Variants in SNTG1 observed in about 807,000 individuals in gnomAD.
SNTG1 encodes syntrophin gamma 1.
A neutral mutation model predicts 74.7 loss-of-function variants in SNTG1; 39 were observed. That is an observed-to-expected ratio of 0.52 (90% CI 0.40 to 0.68). The LOEUF is 0.68. SNTG1 is among the 30% of genes least tolerant of loss of function. The pLI is 0.00. For synonymous variants in SNTG1, 254 were observed against 217.1 expected (o/e 1.17, Z -1.49); for missense variants, 685 against 609.5 (o/e 1.12, Z -1.30).
chr8:49,977,873 A>T (rs1563422461), intron 1 of SNTG1, among the ~76,000 whole-genome samples: 1 of 152,178 alleles, frequency 6.6e-6, no homozygotes, highest in African/African-American at 2.4e-5. Context: ...GGCACCACAA[A>T]CACTGCTTGG....
At chr8:50,352,538 G>A (rs2131012046) in intron 2 of SNTG1, among the ~76,000 whole-genome samples, 1 of 152,078 alleles carries the variant, frequency 6.6e-6, no homozygotes, top group African/African-American at 2.4e-5. Flanking sequence ...TTACAGGCAT[G>A]CGCCACCACA....
At chr8:49,966,356 A>T (rs388045) in intron 1 of SNTG1, among the ~76,000 whole-genome samples, 5,745 of 152,176 alleles carry the variant, frequency 0.038, 366 homozygotes, top group African/African-American at 0.13. Context: ...CCTGTTTAAA[A>T]AAAGTCTATA....
intron 13 of SNTG1, among the ~76,000 whole-genome samples, chr8:50,622,107 G>T (rs1486160460): frequency 6.6e-6 from 1 of 152,238 alleles, no homozygotes; most frequent in African/African-American, 2.4e-5. Flanking sequence ...TATTGCATCT[G>T]CCCCAATCTC....
chr8:50,548,954 G>A (rs148437563), intron 11 of SNTG1, among the ~76,000 whole-genome samples: 2 of 152,190 alleles, frequency 1.3e-5, no homozygotes, highest in African/African-American at 4.8e-5. Context: ...GAGGAACTGC[G>A]GGTCAGAGAG....
At chr8:50,748,797 A>G (rs1418965384) in intron 17 of SNTG1, among the ~76,000 whole-genome samples, 1 of 152,040 alleles carries the variant, frequency 6.6e-6, no homozygotes, top group East Asian at 1.9e-4. Context: ...CTGTGCCCAT[A>G]TAAGATGGTG....
At chr8:50,031,835 A>T (rs567899731) in intron 1 of SNTG1, among the ~76,000 whole-genome samples, 57 of 152,116 alleles carry the variant, frequency 3.7e-4, no homozygotes, top group Non-Finnish European at 7.7e-4. Context: ...GCTGTATACA[A>T]TGAATAGGGA....
At chr8:50,461,685 A>G (rs1229030492) in intron 8 of SNTG1, among the ~76,000 whole-genome samples, 1 of 151,576 alleles carries the variant, frequency 6.6e-6, no homozygotes, top group Non-Finnish European at 1.5e-5. Context: ...ACTTTTAAAT[A>G]CTCTAATATA....
At chr8:50,272,835 T>A (rs2087856731) in intron 2 of SNTG1, among the ~76,000 whole-genome samples, 1 of 151,536 alleles carries the variant, frequency 6.6e-6, no homozygotes, top group Admixed American at 6.6e-5. Flanking sequence ...CTCCTGGGAT[T>A]AAGCAATCCT....
At chr8:50,190,417 TTTAA>T (rs1344649259) in intron 2 of SNTG1, among the ~76,000 whole-genome samples, 3 of 152,176 alleles carry the variant, frequency 2.0e-5, no homozygotes, top group Non-Finnish European at 4.4e-5. Flanking sequence ...ATGTGCCCAA[TTTAA>T]GTCTATTGTT....
At chr8:50,184,307 A>T (rs1480109115) in intron 2 of SNTG1, among the ~76,000 whole-genome samples, 1 of 151,946 alleles carries the variant, frequency 6.6e-6, no homozygotes, top group Non-Finnish European at 1.5e-5. Flanking sequence ...CTGGGATTAC[A>T]GGTGCCCACC....
At chr8:50,457,445 C>A (rs950292487) in intron 8 of SNTG1, among the ~76,000 whole-genome samples, 1 of 152,158 alleles carries the variant, frequency 6.6e-6, no homozygotes, top group Non-Finnish European at 1.5e-5. Context: ...AATTTTAAGG[C>A]CTTCCCAAGG....
At chr8:50,591,315 T>A (rs2094690452) in intron 13 of SNTG1, among the ~76,000 whole-genome samples, 2 of 152,218 alleles carry the variant, frequency 1.3e-5, no homozygotes, top group Non-Finnish European at 2.9e-5. Context: ...TCTAAGTTAA[T>A]GCATAGAACA....
chr8:50,578,179 A>G lies in SNTG1; in HGVS notation c.811-12700A>G, dbSNP rs143515280. On this transcript the variant is annotated intron_variant, in intron 12 of 18. Transcript: ENST00000642720. ...TTAGTAAACACATGCAGCAAGAGGA[A>G]TAGCAGATGGAAATGTAGACCCAAA... Among the ~76,000 whole-genome samples, 235 of 152,314 alleles carry G rather than the reference A, an allele frequency of 1.5e-3. 1 individual carries two copies. Among genetic ancestry groups the G allele is most frequent in the African/African-American group, 5.4e-3 (225 of 41,582 alleles).
chr8:50,779,423 C>G (rs958389370), intron 18 of SNTG1, among the ~76,000 whole-genome samples: 1 of 152,050 alleles, frequency 6.6e-6, no homozygotes, highest in Admixed American at 6.5e-5. Flanking sequence ...CTTCAAGTCC[C>G]TTATAAGGTG....
chr8:50,025,028 A>G (rs1585943939), intron 1 of SNTG1, among the ~76,000 whole-genome samples: 1 of 152,206 alleles, frequency 6.6e-6, no homozygotes, highest in East Asian at 1.9e-4. Context: ...AGCAAGTGAA[A>G]CTGTGGATAA....
chr8:50,580,330 G>T lies in SNTG1; in HGVS notation c.811-10549G>T, dbSNP rs147155773. Among the ~76,000 whole-genome samples the T allele has an allele frequency of 4.5e-3, 687 of 152,278 alleles. 5 individuals carry two copies. Among genetic ancestry groups the T allele is most frequent in the African/African-American group, 0.015 (641 of 41,556 alleles). ...ACAGGGTTATAGATGGAAGAGACTT[G>T]CCTTGTCTCAGATGAAGCTTTGGAC... On this transcript the variant is annotated intron_variant, in intron 12 of 18. Transcript: ENST00000642720.
In SNTG1 at chr8:50,496,828, T is replaced by C. The variant is rs1030496474; in HGVS notation, c.364-5950T>C. Among the ~76,000 whole-genome samples the C allele has an allele frequency of 3.9e-5, 6 of 152,200 alleles. No individual in the cohort carries two copies. In the South Asian group the frequency reaches 6.2e-4, roughly 16 times the overall value. ...AACATTTTATTTGAATTATGAAATG[T>C]GAGTGAAAGTAAAAAGGACAACTGG... On this transcript the variant is annotated intron_variant, in intron 8 of 18. Transcript: ENST00000642720.
At chr8:50,163,341 C>T (rs1018428570) in intron 1 of SNTG1, among the ~76,000 whole-genome samples, 2 of 151,704 alleles carry the variant, frequency 1.3e-5, no homozygotes, top group Admixed American at 6.6e-5. Flanking sequence ...TTTTCTGTGT[C>T]GCTTTTACTG....
intron 1 of SNTG1, among the ~76,000 whole-genome samples, chr8:49,989,883 A>G (rs1340900914): frequency 6.6e-6 from 1 of 152,066 alleles, no homozygotes. Flanking sequence ...AAAGAAAAGC[A>G]TATCACAAAA....
Sources: allele counts gnomAD v4.1 joint callset (sites outside exome capture counted in the v4.1 genomes callset), GRCh38; gene constraint gnomAD v4.1.1; transcripts MANE v1.5; gene names NCBI Gene and HGNC (gene_info 2026-07-23, HGNC 2026-07-21).